The following DSCAM variants were observed in gnomAD, a reference collection of about 807,000 sequenced individuals.
DSCAM encodes cell adhesion molecule DSCAM.
In DSCAM, 47 loss-of-function variants were observed where a neutral mutation model predicts 217.7. That is an observed-to-expected ratio of 0.22 (90% confidence interval 0.17 to 0.28). DSCAM has a LOEUF of 0.28. Among genes scored for constraint, DSCAM ranks in the 10% least tolerant of loss-of-function variants. DSCAM has a pLI of 1.00. For missense variants in DSCAM, 2,080 were observed against 2,618.3 expected, an observed-to-expected ratio of 0.79 and a Z score of 4.49; for synonymous variants, 1,056 against 1,015.3, an observed-to-expected ratio of 1.04 and a Z score of -0.76.
At chr21:40,184,197 C>CTAAAACTACACTCT (rs1332044229) in intron 14 of DSCAM, among the ~76,000 whole-genome samples, 5 of 152,204 alleles carry the variant, frequency 3.3e-5, no homozygotes, top group African/African-American at 1.2e-4. Flanking sequence ...TCTATGTACT[C>CTAAAACTACACTCT]AGTCTAAAAC....
At chr21:40,290,928 T>G (rs73227014) in intron 10 of DSCAM, among the ~76,000 whole-genome samples, 4,141 of 152,362 alleles carry the variant, frequency 0.027, 83 homozygotes, top group East Asian at 0.08. Flanking sequence ...ATAGAGGGTC[T>G]AAGCTCTGAC....
rs181869232 is a variant in DSCAM at position 40,112,188 on chromosome 21, T to C, written c.3696+12007A>G. Among the ~76,000 whole-genome samples, 167 of 147,602 alleles carry C rather than the reference T, an allele frequency of 1.1e-3. 6 individuals are homozygous for C. Among genetic ancestry groups the C allele is most frequent in the African/African-American group, 3.5e-3 (143 of 40,622 alleles). ...GAAGTAAAGCTCTCCTCAGCAAATGTAAAAGAACAGAAATTATAACAAACT... is the reference window on the plus strand; with the variant it reads ...GAAGTAAAGCTCTCCTCAGCAAATGCAAAAGAACAGAAATTATAACAAACT... On this transcript the variant is annotated intron_variant, in intron 20 of 32. Transcript: ENST00000400454.
At chr21:40,397,617 A>C (rs1040649589) in intron 3 of DSCAM, among the ~76,000 whole-genome samples, 7 of 152,108 alleles carry the variant, frequency 4.6e-5, no homozygotes, top group African/African-American at 1.7e-4. Flanking sequence ...TAAAACACTC[A>C]GTGATTGGCA....
chr21:40,816,568 C>T (rs181790618), intron 1 of DSCAM, among the ~76,000 whole-genome samples: 1 of 152,280 alleles, frequency 6.6e-6, no homozygotes, highest in East Asian at 1.9e-4. Context: ...AAGAGCGAGA[C>T]TCTGTCTCAA....
chr21:40,334,622 G>T (rs1692060759), intron 8 of DSCAM, among the ~76,000 whole-genome samples: 1 of 152,002 alleles, frequency 6.6e-6, no homozygotes, highest in Admixed American at 6.6e-5. Flanking sequence ...CTCAGCACAG[G>T]AATCAGATGC....
intron 20 of DSCAM, among the ~76,000 whole-genome samples, chr21:40,100,758 G>A (rs9981252): frequency 0.19 from 29,442 of 151,816 alleles, 3,244 homozygotes; most frequent in East Asian, 0.34. Flanking sequence ...TGAACCAAAT[G>A]TGGCAAAAGG....
At chr21:40,651,765 A>G (rs562358682) in intron 3 of DSCAM, among the ~76,000 whole-genome samples, 83 of 152,342 alleles carry the variant, frequency 5.4e-4, no homozygotes, top group African/African-American at 1.9e-3. Flanking sequence ...TCTGATGGAT[A>G]TATACTCAGT....
At chr21:40,237,725 T>C (rs1342448551) in intron 11 of DSCAM, among the ~76,000 whole-genome samples, 1 of 152,220 alleles carries the variant, frequency 6.6e-6, no homozygotes, top group Non-Finnish European at 1.5e-5. Flanking sequence ...TTTGGGTATG[T>C]ACCTAGTAAT....
chr21:40,748,584 G>A (rs2091197457), intron 1 of DSCAM, among the ~76,000 whole-genome samples: 1 of 151,906 alleles, frequency 6.6e-6, no homozygotes, highest in African/African-American at 2.4e-5. Context: ...AGAAATCGAA[G>A]AGGACACAAA....
intron 3 of DSCAM, among the ~76,000 whole-genome samples, chr21:40,601,579 T>C (rs2077062224): frequency 6.6e-6 from 1 of 152,230 alleles, no homozygotes; most frequent in Non-Finnish European, 1.5e-5. Flanking sequence ...GAAAATCTTT[T>C]ACTTGTTCCA....
At chr21:40,335,943 C>G (rs560757125) in intron 8 of DSCAM, among the ~76,000 whole-genome samples, 1 of 152,148 alleles carries the variant, frequency 6.6e-6, no homozygotes, top group Non-Finnish European at 1.5e-5. Flanking sequence ...GATGACTATT[C>G]ATTGTACTGT....
chr21:40,741,110 T>TG (rs1160095512), intron 1 of DSCAM, among the ~76,000 whole-genome samples: 32 of 151,994 alleles, frequency 2.1e-4, no homozygotes, highest in African/African-American at 7.7e-4. Flanking sequence ...TGACTGGAAA[T>TG]GGAGAAAGAG....
chr21:40,430,703 G>A (rs1183553332), intron 3 of DSCAM, among the ~76,000 whole-genome samples: 1 of 152,172 alleles, frequency 6.6e-6, no homozygotes, highest in East Asian at 1.9e-4. Flanking sequence ...GGTTTTCAGG[G>A]CCCTGGCTCT....
intron 3 of DSCAM, among the ~76,000 whole-genome samples, chr21:40,677,537 C>T (rs1056373907): frequency 1.3e-5 from 2 of 152,130 alleles, no homozygotes; most frequent in African/African-American, 2.4e-5. Flanking sequence ...CTCAACATGT[C>T]CATGATCCCC....
At chr21:40,360,366 C>A (rs1028597781) in intron 4 of DSCAM, among the ~76,000 whole-genome samples, 1 of 151,834 alleles carries the variant, frequency 6.6e-6, no homozygotes, top group Non-Finnish European at 1.5e-5. Flanking sequence ...TATCTCCTGA[C>A]CTTGTGATCC....
chr21:40,132,482 A>T (rs1306646606), intron 19 of DSCAM, among the ~76,000 whole-genome samples: 1 of 152,228 alleles, frequency 6.6e-6, no homozygotes, highest in African/African-American at 2.4e-5. Flanking sequence ...TGAACCTTAG[A>T]TTCCCTAAAT....
intron 2 of DSCAM, among the ~76,000 whole-genome samples, chr21:40,697,911 A>C (rs1046356951): frequency 6.6e-6 from 1 of 152,124 alleles, no homozygotes; most frequent in Non-Finnish European, 1.5e-5. Context: ...TCTGTAGATC[A>C]CTTTGAGTAG....
chr21:40,687,806 G>A (rs1045691733), intron 3 of DSCAM, among the ~76,000 whole-genome samples: 11 of 152,138 alleles, frequency 7.2e-5, no homozygotes, highest in Admixed American at 5.9e-4. Context: ...CCCCAAGAGG[G>A]ACAGTGCAGG....
intron 1 of DSCAM, among the ~76,000 whole-genome samples, chr21:40,794,552 A>G (rs2091674330): frequency 6.6e-6 from 1 of 151,954 alleles, no homozygotes; most frequent in African/African-American, 2.4e-5. Flanking sequence ...GAAAAAAAAA[A>G]AAAAAAGTAC....
Sources: gnomAD v4.1 joint callset for allele counts (sites outside exome capture counted in the v4.1 genomes callset) on GRCh38, gnomAD v4.1.1 for gene constraint, MANE v1.5 for transcripts, NCBI Gene and HGNC (gene_info 2026-07-23, HGNC 2026-07-21) for gene names.